The following ASCC3 variants were observed in gnomAD, a reference collection of about 807,000 sequenced individuals.
ASCC3 encodes ASC-1 complex subunit P200.
A neutral mutation model predicts 256.3 loss-of-function variants in ASCC3; 158 were observed. The ratio of observed to expected loss-of-function variants is 0.62; its 90% CI spans 0.54 to 0.70. The LOEUF (loss-of-function observed/expected upper bound fraction) is 0.70, where lower values mean the gene tolerates loss of function less well. Ranked by LOEUF, ASCC3 falls within the 30% of genes least tolerant of loss-of-function variation. The pLI, the probability that ASCC3 is intolerant of heterozygous loss-of-function variation, is 0.00. For missense variants in ASCC3, 2,259 were observed against 2,626.0 expected, an observed-to-expected ratio of 0.86 and a Z score of 3.05; for synonymous variants, 948 against 883.4, an observed-to-expected ratio of 1.07 and a Z score of -1.30.
chr6:100,670,213 T>G (rs769444018), intron 14 of ASCC3, among the ~76,000 whole-genome samples: 1 of 151,946 alleles, frequency 6.6e-6, no homozygotes, highest in Non-Finnish European at 1.5e-5. Context: ...GAAGTACCAT[T>G]TTTTGCCTGT....
At chr6:100,809,323 G>T (rs560826861) in intron 4 of ASCC3, among the ~76,000 whole-genome samples, 2 of 151,972 alleles carry the variant, frequency 1.3e-5, no homozygotes, top group Admixed American at 1.3e-4. Flanking sequence ...AATATTGTCT[G>T]TCTTTAGAAC....
In ASCC3 at chr6:100,646,827, C is replaced by T; in HGVS notation, c.3479-58G>A. On this transcript the variant is annotated intron_variant, in intron 21 of 41. Transcript: ENST00000369162. The stretch of plus-strand genomic sequence containing the variant: ...TCCAGGCAGAAAAAAGCAATATAAT[C>T]TGACTTGTAAATGGGATTTCAGAGA... 3 of 1,540,254 alleles carry T rather than the reference C, an allele frequency of 1.9e-6. No individual in the cohort carries two copies. In the African/African-American group the frequency reaches 4.1e-5, roughly 21 times the overall value.
At chr6:100,585,502 CAGTTT>C (rs964573012) in intron 36 of ASCC3, among the ~76,000 whole-genome samples, 1 of 152,052 alleles carries the variant, frequency 6.6e-6, no homozygotes, top group Non-Finnish European at 1.5e-5. Context: ...TCAAAGTTTT[CAGTTT>C]CTTTGCCTTT....
chr6:100,549,157 GA>G (rs1002237708), intron 36 of ASCC3, among the ~76,000 whole-genome samples: 3 of 151,838 alleles, frequency 2.0e-5, no homozygotes, highest in Admixed American at 6.6e-5. Context: ...GCCCTCTAAT[GA>G]GAGGAAAAAT....
intron 14 of ASCC3, among the ~76,000 whole-genome samples, chr6:100,678,704 A>G (rs545808730): frequency 6.6e-6 from 1 of 152,128 alleles, no homozygotes; most frequent in Non-Finnish European, 1.5e-5. Context: ...TTTTTATTTC[A>G]TAATTTATTT....
chr6:100,656,490 C>A (rs747186480), intron 16 of ASCC3, among the ~76,000 whole-genome samples: 4 of 151,398 alleles, frequency 2.6e-5, no homozygotes, highest in Admixed American at 1.3e-4. Context: ...TAAACTTAAC[C>A]TATGGAAAAA....
At chr6:100,531,968 GT>G (rs1774899266) in intron 37 of ASCC3, among the ~76,000 whole-genome samples, 1 of 151,498 alleles carries the variant, frequency 6.6e-6, no homozygotes, top group Non-Finnish European at 1.5e-5. Context: ...AGGCATGAGG[GT>G]TTATTTTTTG....
chr6:100,829,399 C>A (rs1341843517), intron 4 of ASCC3, among the ~76,000 whole-genome samples: 1 of 152,024 alleles, frequency 6.6e-6, no homozygotes, highest in Non-Finnish European at 1.5e-5. Flanking sequence ...TAAGACCTGG[C>A]CAGAAATTGA....
At chr6:100,725,766 A>G in intron 10 of ASCC3, 63 bp from the exon 11 acceptor site, 1 of 1,577,064 alleles carries the variant, frequency 6.3e-7, no homozygotes, top group Non-Finnish European at 8.7e-7. Flanking sequence ...TTGAACTGTG[A>G]TACTCAGAAA....
At chr6:100,598,397 T>C (rs1310685201) in intron 34 of ASCC3, among the ~76,000 whole-genome samples, 1 of 152,174 alleles carries the variant, frequency 6.6e-6, no homozygotes, top group Non-Finnish European at 1.5e-5. Flanking sequence ...ACTACCACCA[T>C]GTGTGAGCAG....
intron 38 of ASCC3, among the ~76,000 whole-genome samples, chr6:100,516,772 C>T (rs1562086952): frequency 6.6e-6 from 1 of 152,038 alleles, no homozygotes; most frequent in Non-Finnish European, 1.5e-5. Context: ...AGATTTACAG[C>T]ATAAGTAGTG....
At chr6:100,577,863 T>G (rs2114738503) in intron 36 of ASCC3, among the ~76,000 whole-genome samples, 1 of 152,154 alleles carries the variant, frequency 6.6e-6, no homozygotes, top group Admixed American at 6.6e-5. Context: ...AAATATATTT[T>G]TTGATGAATC....
At chr6:100,729,140 G>A (rs904112293) in intron 10 of ASCC3, among the ~76,000 whole-genome samples, 2 of 152,012 alleles carry the variant, frequency 1.3e-5, no homozygotes, top group African/African-American at 4.8e-5. Context: ...AACAACAAGA[G>A]CAAAAAGTAA....
chr6:100,630,117 T>C (rs898341220), intron 26 of ASCC3, among the ~76,000 whole-genome samples: 1 of 151,894 alleles, frequency 6.6e-6, no homozygotes, highest in Non-Finnish European at 1.5e-5. Context: ...CTCCAACTCC[T>C]TTTCTCAGGT....
At chr6:100,626,262 A>T (rs1774228320) in intron 29 of ASCC3, among the ~76,000 whole-genome samples, 2 of 152,038 alleles carry the variant, frequency 1.3e-5, no homozygotes, top group African/African-American at 4.8e-5. Context: ...AGAGATATTT[A>T]AAAATTTTAT....
intron 36 of ASCC3, among the ~76,000 whole-genome samples, chr6:100,578,116 A>C (rs1770973858): frequency 6.6e-6 from 1 of 152,074 alleles, no homozygotes; most frequent in Non-Finnish European, 1.5e-5. Flanking sequence ...ATATAATATC[A>C]TTCTGAAAAC....
chr6:100,513,439 AG>A (rs1330825973), intron 39 of ASCC3, among the ~76,000 whole-genome samples: 9 of 152,192 alleles, frequency 5.9e-5, no homozygotes, highest in African/African-American at 2.2e-4. Context: ...GCTTCTAAGA[AG>A]GAGAGCATTA....
chr6:100,812,660 C>T (rs777041410), intron 4 of ASCC3, among the ~76,000 whole-genome samples: 36 of 152,098 alleles, frequency 2.4e-4, no homozygotes, highest in African/African-American at 7.5e-4. Flanking sequence ...CCAGGAATGG[C>T]GGCTCCTACC....
intron 13 of ASCC3, among the ~76,000 whole-genome samples, chr6:100,700,176 G>A (rs1218224999): frequency 6.6e-6 from 1 of 152,042 alleles, no homozygotes; most frequent in Non-Finnish European, 1.5e-5. Context: ...TGGTTTTGTG[G>A]GCTGAACCCA....
Sources: gnomAD v4.1 joint callset for allele counts (sites outside exome capture counted in the v4.1 genomes callset) on GRCh38, gnomAD v4.1.1 for gene constraint, MANE v1.5 for transcripts, NCBI Gene and HGNC (gene_info 2026-07-23, HGNC 2026-07-21) for gene names.